The following FRMD4A variants were observed in gnomAD, a reference collection of about 807,000 sequenced individuals.
FRMD4A encodes the protein FERM domain-containing protein 4A.
In FRMD4A, 29 loss-of-function variants were observed where a neutral mutation model predicts 129.1. The ratio of observed to expected loss-of-function variants is 0.22; its 90% CI spans 0.17 to 0.31. The LOEUF (loss-of-function observed/expected upper bound fraction) is 0.31, where lower values mean the gene tolerates loss of function less well. Among genes scored for constraint, FRMD4A ranks in the 10% least tolerant of loss-of-function variants. The probability of loss-of-function intolerance (pLI) is 1.00; values close to 1 mark genes in which losing one functional copy is unlikely to be tolerated. For synonymous variants in FRMD4A, 634 were observed against 571.6 expected (o/e 1.11, Z -1.56); for missense variants, 1,272 against 1,375.8 (o/e 0.92, Z 1.19).
At chr10:13,720,163 C>T (rs1462415315) in intron 12 of FRMD4A, among the ~76,000 whole-genome samples, 4 of 152,162 alleles carry the variant, frequency 2.6e-5, no homozygotes, top group Non-Finnish European at 5.9e-5. Flanking sequence ...ATTCTCCTGC[C>T]TCAGCCTCCT....
intron 2 of FRMD4A, among the ~76,000 whole-genome samples, chr10:13,953,870 G>T: frequency 6.6e-6 from 1 of 152,086 alleles, no homozygotes; most frequent in South Asian, 2.1e-4. Flanking sequence ...CAAGGATAAG[G>T]GTAGACAACT....
intron 21 of FRMD4A, among the ~76,000 whole-genome samples, chr10:13,658,134 A>C (rs1322048584): frequency 4.1e-4 from 52 of 127,060 alleles, no homozygotes; most frequent in African/African-American, 1.7e-3. Context: ...GTCTCTCTTA[A>C]AAAAAAAAAA....
intron 15 of FRMD4A, chr10:13,685,545 G>A (rs2084991916): frequency 1.0e-6 from 1 of 985,006 alleles, no homozygotes; most frequent in African/African-American, 1.7e-5. Flanking sequence ...ACGTTTGCAG[G>A]TTAACTGTGA....
chr10:14,245,059 C>T (rs1478800600), intron 2 of FRMD4A, among the ~76,000 whole-genome samples: 1 of 152,192 alleles, frequency 6.6e-6, no homozygotes, highest in East Asian at 1.9e-4. Flanking sequence ...TGCACAAAAG[C>T]CTCAGGCTCT....
chr10:14,249,433 C>T (rs1844359412), intron 2 of FRMD4A, among the ~76,000 whole-genome samples: 1 of 152,102 alleles, frequency 6.6e-6, no homozygotes, highest in Non-Finnish European at 1.5e-5. Context: ...TGAAATGAAG[C>T]TGGGGCCAGA....
At chr10:14,208,333 T>C (rs1842843735) in intron 2 of FRMD4A, among the ~76,000 whole-genome samples, 1 of 152,172 alleles carries the variant, frequency 6.6e-6, no homozygotes, top group Non-Finnish European at 1.5e-5. Context: ...AGGGTGCCAA[T>C]GGCCCTGGGC....
At chr10:14,079,154 A>G (rs1463374354) in intron 2 of FRMD4A, among the ~76,000 whole-genome samples, 1 of 152,156 alleles carries the variant, frequency 6.6e-6, no homozygotes, top group Admixed American at 6.5e-5. Flanking sequence ...CATCAACCTC[A>G]TGAGGTGCTG....
intron 12 of FRMD4A, chr10:13,707,671 G>T: frequency 1.0e-6 from 1 of 985,890 alleles, no homozygotes; most frequent in Non-Finnish European, 1.2e-6. Context: ...CTTGCAAAGG[G>T]CGGAGGAGGC....
chr10:14,071,300 C>A (rs1430433114), intron 2 of FRMD4A, among the ~76,000 whole-genome samples: 1 of 152,208 alleles, frequency 6.6e-6, no homozygotes, highest in Non-Finnish European at 1.5e-5. Flanking sequence ...AGGCTGGCAT[C>A]TTGGATCTGC....
chr10:13,706,927 C>A, intron 13 of FRMD4A, 110 bp downstream of exon 13: 1 of 661,068 alleles, frequency 1.5e-6, no homozygotes, highest in Non-Finnish European at 2.8e-6. Context: ...CCCCCACCCT[C>A]GCTCCCTGCT....
intron 2 of FRMD4A, among the ~76,000 whole-genome samples, chr10:14,147,670 A>G (rs1840142050): frequency 6.6e-6 from 1 of 152,018 alleles, no homozygotes; most frequent in South Asian, 2.1e-4. Flanking sequence ...CTGCACTCTT[A>G]TGAGAATCGA....
intron 2 of FRMD4A, among the ~76,000 whole-genome samples, chr10:14,282,633 C>G (rs75132604): frequency 0.05 from 1 of 20 alleles, no homozygotes; most frequent in African/African-American, 0.12. Flanking sequence ...GTGTGGGGGA[C>G]CCTTCCAGGA....
chr10:14,189,900 G>A (rs1032087605), intron 2 of FRMD4A, among the ~76,000 whole-genome samples: 12 of 152,178 alleles, frequency 7.9e-5, no homozygotes, highest in Admixed American at 3.3e-4. Flanking sequence ...TAAATTTAAT[G>A]AGAGCTCAGG....
At chr10:14,154,335 T>G (rs1221395112) in intron 2 of FRMD4A, among the ~76,000 whole-genome samples, 3 of 152,184 alleles carry the variant, frequency 2.0e-5, no homozygotes, top group Non-Finnish European at 2.9e-5. Flanking sequence ...TTCCATTTTT[T>G]GATATCATTG....
chr10:14,008,764 C>T (rs530255634), intron 2 of FRMD4A, among the ~76,000 whole-genome samples: 6 of 152,130 alleles, frequency 3.9e-5, no homozygotes, highest in Non-Finnish European at 8.8e-5. Flanking sequence ...CATCAGGGAC[C>T]TCTTTGAAAT....
At chr10:14,165,772 A>G (rs1445968727) in intron 2 of FRMD4A, among the ~76,000 whole-genome samples, 1 of 152,172 alleles carries the variant, frequency 6.6e-6, no homozygotes, top group Non-Finnish European at 1.5e-5. Flanking sequence ...CAAATACCAC[A>G]TGTTCTCGCT....
At chr10:13,676,229 C>T (rs72767591) in intron 15 of FRMD4A, among the ~76,000 whole-genome samples, 8,632 of 152,012 alleles carry the variant, frequency 0.057, 398 homozygotes, top group South Asian at 0.079. Context: ...CACTGACTCT[C>T]TACAAAGGGA....
At chr10:14,234,938 A>C (rs12243050) in intron 2 of FRMD4A, among the ~76,000 whole-genome samples, 3,950 of 152,296 alleles carry the variant, frequency 0.026, 168 homozygotes, top group African/African-American at 0.09. Flanking sequence ...AATGGCTCCA[A>C]GCTCTGACTT....
intron 2 of FRMD4A, among the ~76,000 whole-genome samples, chr10:13,988,233 CAG>C (rs953287455): frequency 2.6e-5 from 4 of 152,194 alleles, no homozygotes; most frequent in Non-Finnish European, 5.9e-5. Flanking sequence ...GTAGGAGTTA[CAG>C]AGTTTTTAAG....
Sources: gnomAD v4.1 joint callset for allele counts (sites outside exome capture counted in the v4.1 genomes callset) on GRCh38, gnomAD v4.1.1 for gene constraint, MANE v1.5 for transcripts, NCBI Gene and HGNC (gene_info 2026-07-23, HGNC 2026-07-21) for gene names.